Variants in GRIP1 observed in about 807,000 individuals in gnomAD.
GRIP1 encodes glutamate receptor-interacting protein 1.
In GRIP1, 45 loss-of-function variants were observed where a neutral mutation model predicts 129.9. That is an observed-to-expected ratio of 0.35 (90% CI 0.27 to 0.44). The LOEUF (loss-of-function observed/expected upper bound fraction) is 0.44, where lower values mean the gene tolerates loss of function less well. Ranked by LOEUF, GRIP1 falls within the 20% of genes least tolerant of loss-of-function variation. The probability of loss-of-function intolerance (pLI) is 1.00; values close to 1 mark genes in which losing one functional copy is unlikely to be tolerated. For missense variants in GRIP1, 1,196 were observed against 1,396.8 expected (o/e 0.86, Z 2.29); for synonymous variants, 530 against 520.8 (o/e 1.02, Z -0.24).
intron 11 of GRIP1, among the ~76,000 whole-genome samples, chr12:66,445,881 AG>A (rs1215637326): frequency 6.6e-6 from 1 of 152,194 alleles, no homozygotes; most frequent in Non-Finnish European, 1.5e-5. Flanking sequence ...ATCCTATCTA[AG>A]AAAAAGGGAG....
intron 1 of GRIP1, among the ~76,000 whole-genome samples, chr12:66,988,681 A>G (rs903631315): frequency 6.6e-6 from 1 of 152,032 alleles, no homozygotes; most frequent in Admixed American, 6.6e-5. Context: ...CCAGCTAAGA[A>G]CCTGTATTTT....
chr12:66,613,268 G>C (rs2064888992), intron 1 of GRIP1, among the ~76,000 whole-genome samples: 1 of 152,036 alleles, frequency 6.6e-6, no homozygotes, highest in Non-Finnish European at 1.5e-5. Context: ...TCCTTATAAA[G>C]GTTTAAGTTA....
intron 9 of GRIP1, among the ~76,000 whole-genome samples, chr12:66,462,119 A>G (rs1592366388): frequency 1.3e-5 from 2 of 152,216 alleles, no homozygotes. Context: ...AAATACAGAT[A>G]CCTTCAGCTG....
intron 13 of GRIP1, among the ~76,000 whole-genome samples, chr12:66,435,599 C>T (rs10878421): frequency 0.65 from 99,472 of 152,024 alleles, 33,928 homozygotes; most frequent in Non-Finnish European, 0.77. Context: ...TATCTGTATA[C>T]GTATATAGCA....
chr12:66,455,911 C>T lies in GRIP1; in HGVS notation c.1198+276G>A, dbSNP rs528438640. Among the ~76,000 whole-genome samples, 26 of 152,298 alleles carry T rather than the reference C, an allele frequency of 1.7e-4. No homozygotes were observed. The South Asian group carries it at 5.4e-3, about 32-fold the overall frequency. ...GACATGAATTTCATAAGTGATTCCA[C>T]ATATACAAAGAAGACCTGAGAACAT... is the stretch of plus-strand genomic sequence containing the variant. On this transcript the variant is annotated intron_variant, in intron 10 of 24. Transcript: ENST00000359742.
exon 1 of GRIP1, chr12:66,804,092 A>G: frequency 2.2e-6 from 1 of 455,940 alleles, no homozygotes; most frequent in South Asian, 1.5e-5. Context: ...ACATCCTCAT[A>G]GCCCTCGTGG....
At chr12:66,670,787 A>T (rs1303717035) in intron 1 of GRIP1, among the ~76,000 whole-genome samples, 1 of 152,176 alleles carries the variant, frequency 6.6e-6, no homozygotes, top group Non-Finnish European at 1.5e-5. Flanking sequence ...AAGTGATGAC[A>T]GTCAGATATG....
chr12:66,525,511 G>T (rs1249072717), intron 5 of GRIP1, among the ~76,000 whole-genome samples: 1 of 145,188 alleles, frequency 6.9e-6, no homozygotes, highest in African/African-American at 2.9e-5. Context: ...CAATAAATTA[G>T]GTATTGATGG....
chr12:66,761,910 G>GT (rs1397382474), intron 1 of GRIP1, among the ~76,000 whole-genome samples: 2 of 152,174 alleles, frequency 1.3e-5, no homozygotes, highest in Non-Finnish European at 2.9e-5. Flanking sequence ...GGCCTGGGGT[G>GT]AGTCCTGGCT....
intron 14 of GRIP1, 99 bp downstream of exon 14, chr12:66,432,449 G>T (rs534782663): frequency 6.9e-6 from 5 of 722,038 alleles, no homozygotes; most frequent in Non-Finnish European, 9.5e-6. Flanking sequence ...TAAAAACTTC[G>T]CAAAGACATA....
At chr12:66,808,673 G>T (rs559493953), upstream of GRIP1, among the ~76,000 whole-genome samples, 2 of 151,986 alleles carry the variant, frequency 1.3e-5, no homozygotes, top group Non-Finnish European at 2.9e-5. Flanking sequence ...GTTTGTTTTT[G>T]TCTTGAAATA....
rs1385528438 is a variant in GRIP1, at chr12:66,859,262, AAAAAAC to A, written c.58+209782_58+209787del. On this transcript the variant is annotated intron_variant, in intron 1 of 1. Transcript: ENST00000643019. The stretch of plus-strand genomic sequence containing the variant: ...TAGCATATTCTCCACATTTTCTGAA[AAAAAAC>A]AAAAAAACAAAAAAACAAAAAAACA... Among the ~76,000 whole-genome samples, 9 of 22,744 alleles carry A rather than the reference AAAAAAC, an allele frequency of 4.0e-4. 1 individual carries two copies. Among genetic ancestry groups the A allele is most frequent in the Non-Finnish European group, 2.5e-3 (7 of 2,834 alleles). The allele number at this position is 22,744 out of a possible 152,430, so 14.9% of individuals were successfully genotyped here. A position where few individuals can be genotyped will look rare whatever the true frequency, so the allele number is the denominator to read the frequency against.
At chr12:67,048,461 C>T (rs1177687615) in intron 1 of GRIP1, among the ~76,000 whole-genome samples, 4 of 152,032 alleles carry the variant, frequency 2.6e-5, no homozygotes, top group African/African-American at 9.7e-5. Context: ...TACGCACACA[C>T]ATACATTTTT....
chr12:66,555,972 T>C lies in GRIP1; in HGVS notation c.137-14022A>G, dbSNP rs192281921. 4.9e-3 allele frequency among the ~76,000 whole-genome samples: 751 copies of C among 152,210 alleles called. 2 individuals carry two copies. Among genetic ancestry groups the C allele is most frequent in the Non-Finnish European group, 6.4e-3 (436 of 68,002 alleles). ...TAAGAGTTATTAACCTTAATGAGGATGTAGAGACAGATAGGGATGTAGAGA... is the reference window on the plus strand; with the variant it reads ...TAAGAGTTATTAACCTTAATGAGGACGTAGAGACAGATAGGGATGTAGAGA... On this transcript the variant is annotated intron_variant, in intron 2 of 24. Coordinates refer to ENST00000359742, the MANE Select transcript of GRIP1 (RefSeq NM_001366722.1).
intron 1 of GRIP1, among the ~76,000 whole-genome samples, chr12:66,955,547 G>T (rs182038337): frequency 1.0e-4 from 13 of 124,616 alleles, no homozygotes; most frequent in Admixed American, 3.9e-4. Context: ...CACTCTTGTC[G>T]CCCAGGCTGG....
intron 1 of GRIP1, among the ~76,000 whole-genome samples, chr12:66,721,219 G>C (rs895217762): frequency 2.0e-5 from 3 of 152,022 alleles, no homozygotes; most frequent in African/African-American, 7.2e-5. Flanking sequence ...TCTCGACAAT[G>C]ATCTTAAAAT....
In GRIP1 at chr12:66,602,237, C is replaced by T. The variant is rs138250457; in HGVS notation, c.56-5310G>A. Among the ~76,000 whole-genome samples the T allele has an allele frequency of 1.3e-3, 199 of 152,244 alleles. 2 individuals are homozygous for T. The highest frequency in any genetic ancestry group is 4.5e-3 in the African/African-American group (187 of 41,562). ...GTTGCTTCTCTCCCATAGACACCAG[C>T]CTTCCAGTTCCATTTGCTTCCCTGG... On this transcript the variant is annotated intron_variant, in intron 1 of 24. Coordinates refer to ENST00000359742, the MANE Select transcript of GRIP1 (RefSeq NM_001366722.1).
intron 1 of GRIP1, among the ~76,000 whole-genome samples, chr12:66,911,301 T>C (rs1019565295): frequency 6.6e-6 from 1 of 152,184 alleles, no homozygotes; most frequent in Non-Finnish European, 1.5e-5. Context: ...TTATAACTCT[T>C]AGAAAAAAAT....
intron 7 of GRIP1, among the ~76,000 whole-genome samples, chr12:66,493,896 C>T (rs573090544): frequency 6.6e-6 from 1 of 152,146 alleles, no homozygotes; most frequent in African/African-American, 2.4e-5. Flanking sequence ...TTCCTCTCCT[C>T]TCTCCTGAGG....
Sources: gnomAD v4.1 joint callset for allele counts (sites outside exome capture counted in the v4.1 genomes callset) on GRCh38, gnomAD v4.1.1 for gene constraint, MANE v1.5 for transcripts, NCBI Gene and HGNC (gene_info 2026-07-23, HGNC 2026-07-21) for gene names.